Variants in SGCZ observed in about 807,000 individuals in gnomAD.
SGCZ encodes zeta-sarcoglycan.
Under a neutral mutation model 41.3 loss-of-function variants are expected in SGCZ, and 40 were observed. The ratio of observed to expected loss-of-function variants is 0.97; its 90% CI spans 0.75 to 1.26. SGCZ has a LOEUF of 1.26. Ranked by LOEUF, SGCZ falls within the 50% of genes most tolerant of loss-of-function variation. The pLI, the probability that SGCZ is intolerant of heterozygous loss-of-function variation, is 0.00. For missense variants in SGCZ, 552 were observed against 369.8 expected (o/e 1.49, Z -4.04); for synonymous variants, 206 against 137.5 (o/e 1.50, Z -3.49).
intron 3 of SGCZ, among the ~76,000 whole-genome samples, chr8:14,300,132 G>A (rs540211501): frequency 6.6e-6 from 1 of 152,036 alleles, no homozygotes; most frequent in East Asian, 1.9e-4. Flanking sequence ...CATTTTGATT[G>A]TGATGTGAAT....
chr8:14,551,784 G>GAATAATTTTATTTTCTAAA (rs1297331508), intron 2 of SGCZ, among the ~76,000 whole-genome samples: 1 of 132,506 alleles, frequency 7.5e-6, no homozygotes, highest in Non-Finnish European at 1.5e-5. Context: ...TCAATAAGTA[G>GAATAATTTTATTTTCTAAA]AATAATTTTA....
chr8:15,037,074 G>C (rs1239396343), intron 1 of SGCZ, among the ~76,000 whole-genome samples: 2 of 152,064 alleles, frequency 1.3e-5, no homozygotes, highest in Admixed American at 1.3e-4. Flanking sequence ...GATTAATTTG[G>C]CAAAGAAGAA....
intron 2 of SGCZ, among the ~76,000 whole-genome samples, chr8:14,356,638 A>G (rs1488993119): frequency 1.3e-5 from 2 of 152,082 alleles, no homozygotes; most frequent in Admixed American, 6.6e-5. Context: ...AAAAATGAAA[A>G]TCTTTACCCA....
chr8:14,578,904 T>C (rs1446843651), intron 1 of SGCZ, among the ~76,000 whole-genome samples: 1 of 152,168 alleles, frequency 6.6e-6, no homozygotes, highest in Admixed American at 6.5e-5. Context: ...AAAATCTATG[T>C]TTTTGTATGG....
intron 2 of SGCZ, among the ~76,000 whole-genome samples, chr8:14,415,282 C>T (rs561754521): frequency 1.3e-5 from 2 of 151,844 alleles, no homozygotes; most frequent in East Asian, 1.9e-4. Flanking sequence ...CAAATTAATA[C>T]AAAAATTGTT....
chr8:15,170,721 A>AGTGTTTTAG (rs2117062074), intron 1 of SGCZ, among the ~76,000 whole-genome samples: 1 of 152,306 alleles, frequency 6.6e-6, no homozygotes, highest in South Asian at 2.1e-4. Flanking sequence ...TGAACTATGC[A>AGTGTTTTAG]GTGTTTTAGT....
At chr8:14,914,994 T>C (rs530890254) in intron 1 of SGCZ, among the ~76,000 whole-genome samples, 24 of 152,304 alleles carry the variant, frequency 1.6e-4, no homozygotes, top group African/African-American at 5.3e-4. Flanking sequence ...GCAATGAGCA[T>C]GACATATCTT....
intron 2 of SGCZ, among the ~76,000 whole-genome samples, chr8:14,492,995 C>G (rs1276198507): frequency 4.6e-5 from 7 of 152,098 alleles, no homozygotes; most frequent in Admixed American, 4.6e-4. Context: ...AACCCCCCAA[C>G]TCTCTAACCT....
At chr8:14,758,736 C>T (rs926693624) in intron 1 of SGCZ, among the ~76,000 whole-genome samples, 10 of 152,018 alleles carry the variant, frequency 6.6e-5, no homozygotes, top group Non-Finnish European at 5.9e-5. Context: ...AGGCCGAGTG[C>T]GGTGGCTCAC....
chr8:14,747,660 C>T (rs965828616), intron 1 of SGCZ, among the ~76,000 whole-genome samples: 1 of 139,500 alleles, frequency 7.2e-6, no homozygotes, highest in African/African-American at 2.7e-5. Flanking sequence ...GGGTACAAGG[C>T]ATTATTATTA....
intron 1 of SGCZ, among the ~76,000 whole-genome samples, chr8:15,024,705 G>C (rs1431794088): frequency 1.3e-5 from 2 of 152,054 alleles, no homozygotes; most frequent in African/African-American, 4.8e-5. Context: ...GGGAGGCCGA[G>C]GCGGGCAGAT....
intron 1 of SGCZ, among the ~76,000 whole-genome samples, chr8:14,727,022 C>T (rs1465208951): frequency 6.6e-6 from 1 of 152,012 alleles, no homozygotes; most frequent in Non-Finnish European, 1.5e-5. Context: ...GTTAAATATT[C>T]AATCCACAGT....
chr8:14,416,012 C>A (rs1043746078), intron 2 of SGCZ, among the ~76,000 whole-genome samples: 1 of 151,866 alleles, frequency 6.6e-6, no homozygotes, highest in Non-Finnish European at 1.5e-5. Flanking sequence ...TTAAATTTAT[C>A]ACCAGAAATA....
At chr8:14,283,458 T>A (rs963860545) in intron 3 of SGCZ, among the ~76,000 whole-genome samples, 1 of 151,980 alleles carries the variant, frequency 6.6e-6, no homozygotes, top group Non-Finnish European at 1.5e-5. Flanking sequence ...AATGTCATTA[T>A]CCGTATGTGC....
At chr8:14,749,564 G>C (rs1008611276) in intron 1 of SGCZ, among the ~76,000 whole-genome samples, 1 of 152,096 alleles carries the variant, frequency 6.6e-6, no homozygotes, top group Non-Finnish European at 1.5e-5. Flanking sequence ...CCAAATATTT[G>C]TTGATTTTGT....
chr8:14,742,307 G>A (rs879094439), intron 1 of SGCZ, among the ~76,000 whole-genome samples: 1 of 151,990 alleles, frequency 6.6e-6, no homozygotes, highest in East Asian at 1.9e-4. Context: ...GCACGTGCAC[G>A]CGCGCTCACA....
intron 5 of SGCZ, among the ~76,000 whole-genome samples, chr8:14,162,900 T>G (rs1023626918): frequency 8.5e-5 from 13 of 152,210 alleles, no homozygotes; most frequent in Non-Finnish European, 2.9e-5. Context: ...AGAGAGGGTC[T>G]GGCTCTGTCA....
intron 2 of SGCZ, among the ~76,000 whole-genome samples, chr8:14,456,062 G>A (rs1800734667): frequency 1.3e-5 from 2 of 152,270 alleles, no homozygotes; most frequent in South Asian, 4.1e-4. Context: ...TTAGATCATG[G>A]TGACGCTTGC....
At chr8:15,221,850 A>G (rs1421811807) in intron 1 of SGCZ, among the ~76,000 whole-genome samples, 2 of 152,206 alleles carry the variant, frequency 1.3e-5, no homozygotes, top group Non-Finnish European at 2.9e-5. Flanking sequence ...AGAAGTTACC[A>G]GGAGTTGCTC....
Sources: allele counts gnomAD v4.1 joint callset (sites outside exome capture counted in the v4.1 genomes callset), GRCh38; gene constraint gnomAD v4.1.1; transcripts MANE v1.5; gene names NCBI Gene and HGNC (gene_info 2026-07-23, HGNC 2026-07-21).